Variants in ZNF142 observed in about 807,000 individuals in gnomAD.
ZNF142 encodes the protein zinc finger protein 142 (clone pHZ-49).
In ZNF142, 96 loss-of-function variants were observed where a neutral mutation model predicts 132.1. The ratio of observed to expected loss-of-function variants is 0.73; its 90% CI spans 0.62 to 0.86. The LOEUF (loss-of-function observed/expected upper bound fraction) is 0.86, where lower values mean the gene tolerates loss of function less well. Among genes scored for constraint, ZNF142 ranks in the 40% least tolerant of loss-of-function variants. ZNF142 has a pLI of 0.00. For synonymous variants in ZNF142, 842 were observed against 890.1 expected (o/e 0.95, Z 0.96); for missense variants, 2,163 against 2,336.2 (o/e 0.93, Z 1.53).
chr2:218,640,089 A>AAAG (rs1697060589), intron 10 of ZNF142, among the ~76,000 whole-genome samples: 1 of 149,636 alleles, frequency 6.7e-6, no homozygotes, highest in Non-Finnish European at 1.5e-5. Flanking sequence ...AAAAAAAAAA[A>AAAG]GAAATACTTA....
Position 218,644,774 on chromosome 2 carries a change from C to G in ZNF142, c.2342G>C (p.Arg781Pro), listed in dbSNP as rs573181948. Residue 781 changes from arginine to proline, a missense_variant, in exon 9 of 11, where the codon CGC becomes CCC. By Grantham distance (103) the Arg-to-Pro change is moderately radical (BLOSUM62 -2). This residue lies in a region of ZNF142 where 749 missense variants were observed against 830.3 expected (regional missense o/e 0.90). Coordinates refer to ENST00000411696, the MANE Select transcript of ZNF142 (RefSeq NM_001379659.1). The surrounding 1 kb of genome is among the most constrained non-coding windows in gnomAD (Gnocchi z 4.6). ...CAAGAGTGTGGTGTTGCTGAAGGTG[C>G]GGTAGTCACAGAGGGCACAGTGGAA... ...REFHCALCDY[R>P]TFSNTTLLFH... is the part of the protein sequence containing the mutation. 1.2e-6 allele frequency: 2 copies of G among 1,614,048 alleles called. No individual in the cohort carries two copies. The highest frequency in any genetic ancestry group is 4.5e-5 in the East Asian group (2 of 44,896).
chr2:218,634,662 T>G lies in ZNF142; in HGVS notation c.*3677A>C. The stretch of plus-strand genomic sequence containing the variant: ...TGGAAATAAACTGTTGGGAAGAAAC[T>G]GAGATAACTGGGATAGAAGTGAGGG... On this transcript the variant is annotated 3_prime_UTR_variant, in exon 11 of 11. Coordinates refer to ENST00000411696, the MANE Select transcript of ZNF142 (RefSeq NM_001379659.1). The surrounding 1 kb of genome is among the most constrained non-coding windows in gnomAD (Gnocchi z 4.0). The G allele has an allele frequency of 1.9e-6, 3 of 1,605,536 alleles. No individual in the cohort carries two copies. Among genetic ancestry groups the G allele is most frequent in the Middle Eastern group, 1.7e-4 (1 of 6,008 alleles).
In ZNF142 at chr2:218,644,732, G is replaced by A. The variant is rs1030720109; in HGVS notation, c.2384C>T (p.Ala795Val). 4 of 1,614,132 alleles carry A rather than the reference G, an allele frequency of 2.5e-6. No homozygotes were observed. Among genetic ancestry groups the A allele is most frequent in the African/African-American group, 2.7e-5 (2 of 74,948 alleles). Residue 795 changes from alanine (A) to valine (V), a missense_variant, in exon 9 of 11, where the codon GCC becomes GTC. By Grantham distance (64) the Ala-to-Val change is moderately conservative. Around this residue, in one of 7 missense-constraint regions of ZNF142, gnomAD observed 749 missense variants for 830.3 expected, o/e 0.90. Transcript: ENST00000411696. The surrounding 1 kb of genome is among the most constrained non-coding windows in gnomAD (Gnocchi z 4.6). ...CTGGTCTCCAGGTACATAGCCATGG[G>A]CCTTGCGTTTATGGAACAAGAGTGT... The part of the protein sequence containing the change: ...NTTLLFHKRK[A>V]HGYVPGDQAW...
At chr2:218,651,270 C>T (rs1232690724) in intron 5 of ZNF142, among the ~76,000 whole-genome samples, 1 of 152,242 alleles carries the variant, frequency 6.6e-6, no homozygotes, top group Non-Finnish European at 1.5e-5. Context: ...GCATGTGCCA[C>T]AGTGCCCAGC....
In ZNF142 at chr2:218,638,585, A is replaced by G. The variant is rs767470620; in HGVS notation, c.5418T>C (p.Ala1806=). The change falls in exon 11 of 11, where the codon GCT becomes GCC. Residue 1806 remains alanine, a synonymous_variant. Coordinates refer to ENST00000411696, the MANE Select transcript of ZNF142 (RefSeq NM_001379659.1). ...GGGTGAGGGCATGATGGCGCAGGCC[A>G]GCAGCCCAGCGGAAAGCACGGTGGC... ...NVCHRAFRWA[A]GLRHHALTHT... 1.2e-6 allele frequency: 2 copies of G among 1,612,674 alleles called. No individual in the cohort carries two copies. Among genetic ancestry groups the G allele is most frequent in the Non-Finnish European group, 1.7e-6 (2 of 1,178,790 alleles).
chr2:218,646,386 G>C, intron 7 of ZNF142, 38 bp from the exon 8 acceptor site: 3 of 1,605,908 alleles, frequency 1.9e-6, no homozygotes, highest in Non-Finnish European at 2.6e-6. Context: ...GAGAACACAG[G>C]TCAGATACAG....
intron 9 of ZNF142, among the ~76,000 whole-genome samples, chr2:218,641,611 C>A (rs559181114): frequency 3.9e-5 from 6 of 151,956 alleles, no homozygotes; most frequent in Non-Finnish European, 7.4e-5. Flanking sequence ...ATGATCATAG[C>A]TCACTGCAGC....
chr2:218,645,278 G>T (rs957152632), intron 8 of ZNF142, among the ~76,000 whole-genome samples: 2 of 152,106 alleles, frequency 1.3e-5, no homozygotes, highest in African/African-American at 4.8e-5. Context: ...GCCTAAGGTT[G>T]GTTACAAAGT....
At position 218,634,074 on chromosome 2, in the gene ZNF142, C is replaced by G. The variant is rs1316915597; in HGVS notation, c.*4265G>C. 13 of 1,577,540 alleles carry G rather than the reference C, an allele frequency of 8.2e-6. No individual in the cohort carries two copies. The highest frequency in any genetic ancestry group is 1.3e-5 in the African/African-American group (1 of 74,088). ...TAGGGAAGTGGGAGATTCCACCCCA[C>G]TTCCATCTCCCTCTCTATACCCTTT... On this transcript the variant is annotated 3_prime_UTR_variant, in exon 11 of 11. Transcript: ENST00000411696. The surrounding 1 kb of genome is among the most constrained non-coding windows in gnomAD (Gnocchi z 4.0).
chr2:218,636,101 C>A lies in ZNF142; in HGVS notation c.*2238G>T, dbSNP rs1696725174. ...CACTTAAAAGCTCCAGTGACCTGGG[C>A]AAATTACTTGCTTACTCTGAGCCTT... On this transcript the variant is annotated 3_prime_UTR_variant, in exon 11 of 11. Transcript: ENST00000411696. 3 of 1,363,106 alleles carry A rather than the reference C, an allele frequency of 2.2e-6. No individual in the cohort carries two copies. The highest frequency in any genetic ancestry group is 1.4e-5 in the African/African-American group (1 of 69,402). The allele number at this position is 1,363,106 out of a possible 1,614,324, so 84.4% of individuals were successfully genotyped here. A position where few individuals can be genotyped will look rare whatever the true frequency, so the allele number is the denominator to read the frequency against.
At chr2:218,654,802 C>A (rs1368783173) in intron 4 of ZNF142, among the ~76,000 whole-genome samples, 4 of 150,820 alleles carry the variant, frequency 2.7e-5, no homozygotes, top group Admixed American at 2.0e-4. Flanking sequence ...AAAAAGGTTT[C>A]TGCTGGGTGC....
chr2:218,656,395 C>T lies in ZNF142; in HGVS notation c.35G>A (p.Ser12Asn), dbSNP rs765023122. 6.9e-6 allele frequency: 10 copies of T among 1,439,778 alleles called. 1 individual carries two copies. The South Asian group carries it at 8.3e-5, about 12-fold the overall frequency. The allele number at this position is 1,439,778 out of a possible 1,614,324, so 89.2% of individuals were successfully genotyped here. ...TDPLLDSQPA[S>N]STGEMDGLCP... ...CAGTCCATCCATCTCCCCGGTGCTA[C>T]TGGCTGGCTGTGAGTCCAAAAGGGG... Residue 12 changes from serine to asparagine, a missense_variant, in exon 4 of 11, where the codon AGT becomes AAT. By Grantham distance (46) the Ser-to-Asn change is conservative. This residue lies in a region of ZNF142 where 195 missense variants were observed against 172.4 expected (regional missense o/e 1.13). Transcript: ENST00000411696.
intron 10 of ZNF142, among the ~76,000 whole-genome samples, chr2:218,640,142 C>CA (rs1397810630): frequency 7.1e-6 from 1 of 141,142 alleles, no homozygotes; most frequent in Non-Finnish European, 1.5e-5. Context: ...TTCATAAAAG[C>CA]AGAGGGCCTT....
In ZNF142 at chr2:218,633,837, C is replaced by T; in HGVS notation, c.*4502G>A. 5 of 1,538,726 alleles carry T rather than the reference C, an allele frequency of 3.2e-6. No individual in the cohort carries two copies. The highest frequency in any genetic ancestry group is 4.4e-6 in the Non-Finnish European group (5 of 1,125,620). On this transcript the variant is annotated 3_prime_UTR_variant, in exon 11 of 11. Transcript: ENST00000411696. ...GGCCTGATGGACTGGCAGGTAAGTC[C>T]CAAGAAAAAAGACAAGGTAGCTAAG... is the stretch of plus-strand genomic sequence containing the variant.
rs571022057 is a variant in ZNF142 at position 218,636,135 on chromosome 2, C to T, written c.*2204G>A. ...TGCTTACTCTGAGCCTTTTTCCTTACCTGTAAAATGCTGATTGCCATCTAG... is the reference window on the plus strand; with the variant it reads ...TGCTTACTCTGAGCCTTTTTCCTTATCTGTAAAATGCTGATTGCCATCTAG... On this transcript the variant is annotated 3_prime_UTR_variant, in exon 11 of 11. Transcript: ENST00000411696. 5.7e-6 allele frequency: 8 copies of T among 1,403,086 alleles called. No homozygotes were observed. The Admixed American group carries it at 9.3e-5, about 16-fold the overall frequency. 86.9% of individuals were successfully genotyped at this position (1,403,086 alleles called of 1,614,324 possible).
In ZNF142 at chr2:218,638,342, G is replaced by A. The variant is rs1696875307; in HGVS notation, c.5661C>T (p.Gly1887=). ...APAAPHTGPE[G] is the part of the protein sequence containing the mutation. ...ATACAGGAGGTGGGGCAGGCTTTCAGCCCTCAGGTCCAGTGTGGGGAGCGG... is the reference window on the plus strand; with the variant it reads ...ATACAGGAGGTGGGGCAGGCTTTCAACCCTCAGGTCCAGTGTGGGGAGCGG... Residue 1887 remains glycine (G), a synonymous_variant, in exon 11 of 11, where the codon GGC becomes GGT. Coordinates refer to ENST00000411696, the MANE Select transcript of ZNF142 (RefSeq NM_001379659.1). 3 of 1,513,276 alleles carry A rather than the reference G, an allele frequency of 2.0e-6. No individual in the cohort carries two copies. The South Asian group carries it at 4.0e-5, about 20-fold the overall frequency. The allele number at this position is 1,513,276 out of a possible 1,614,324, so 93.7% of individuals were successfully genotyped here.
In ZNF142 at chr2:218,634,474, G is replaced by T; in HGVS notation, c.*3865C>A. On this transcript the variant is annotated 3_prime_UTR_variant, in exon 11 of 11. Transcript: ENST00000411696. This position sits in a 1 kb window ranked among gnomAD's most constrained non-coding sequence, Gnocchi z 4.0. ...GGCCCTCAGTGGCCATGAATATGCA[G>T]ACTGCAGGGCTTGAAATGGACATCT... 6.2e-7 allele frequency: 1 copy of T among 1,613,476 alleles called. No homozygotes were observed. The highest frequency in any genetic ancestry group is 1.1e-5 in the South Asian group (1 of 90,992).
In ZNF142 at chr2:218,635,959, G is replaced by T; in HGVS notation, c.*2380C>A. On this transcript the variant is annotated 3_prime_UTR_variant, in exon 11 of 11. Coordinates refer to ENST00000411696, the MANE Select transcript of ZNF142 (RefSeq NM_001379659.1). ...GAGAAACTGGCAGTGCTGGGGAGGT[G>T]GGGGTAGGAGCATGATTAGTTTTCC... is the stretch of plus-strand genomic sequence containing the variant. 1 of 1,613,838 alleles carries T rather than the reference G, an allele frequency of 6.2e-7. No individual in the cohort carries two copies. Among genetic ancestry groups the T allele is most frequent in the Non-Finnish European group, 8.5e-7 (1 of 1,179,774 alleles).
rs1041162996 is a variant in ZNF142 at position 218,652,026 on chromosome 2, A to C, written c.555T>G (p.Ile185Met). 2.6e-5 allele frequency: 14 copies of C among 533,930 alleles called. No individual in the cohort carries two copies. The African/African-American group carries it at 2.7e-4, about 10-fold the overall frequency. The allele number at this position is 533,930 out of a possible 1,614,324, so 33.1% of individuals were successfully genotyped here. ...AGAAGGTGTCAGGAGTGCCCCGGTG[A>C]ATCTTGAAGTGGCTCTTCAGGGCCT... ...QPQALKSHFK[I>M]HRGTPDTFSC... The change falls in exon 5 of 11, where the codon ATT becomes ATG. Residue 185 changes from isoleucine to methionine, a missense_variant. Around this residue, in one of 7 missense-constraint regions of ZNF142, gnomAD observed 195 missense variants for 172.4 expected, o/e 1.13. Transcript: ENST00000411696.
Sources: allele counts gnomAD v4.1 joint callset (sites outside exome capture counted in the v4.1 genomes callset), GRCh38; gene constraint gnomAD v4.1.1; regional missense constraint gnomAD v4.1.1; non-coding constraint Gnocchi (gnomAD v3.1); transcripts MANE v1.5; gene names NCBI Gene and HGNC (gene_info 2026-07-23, HGNC 2026-07-21).